Variants in PTPRE observed in about 807,000 individuals in gnomAD.
The protein encoded by PTPRE is protein tyrosine phosphatase receptor type E.
Under a neutral mutation model 102.0 loss-of-function variants are expected in PTPRE, and 51 were observed. That is an observed-to-expected ratio of 0.50 (90% CI 0.40 to 0.63). The LOEUF (loss-of-function observed/expected upper bound fraction) is 0.63, where lower values mean the gene tolerates loss of function less well. PTPRE is among the 30% of genes least tolerant of loss of function. The pLI, the probability that PTPRE is intolerant of heterozygous loss-of-function variation, is 0.00. For missense variants in PTPRE, 752 were observed against 915.1 expected, an observed-to-expected ratio of 0.82 and a Z score of 2.30; for synonymous variants, 345 against 348.2, an observed-to-expected ratio of 0.99 and a Z score of 0.10.
Position 127,976,849 on chromosome 10 carries a change from C to T in PTPRE, c.-30-5425C>T, listed in dbSNP as rs186217862. 6.6e-5 allele frequency among the ~76,000 whole-genome samples: 10 copies of T among 152,254 alleles called. 1 individual carries two copies. The highest frequency in any genetic ancestry group is 4.6e-4 in the Admixed American group (7 of 15,294). On this transcript the variant is annotated intron_variant, in intron 1 of 20. Transcript: ENST00000254667. Reference sequence around the variant, plus strand: ...GGAAGCTGTGAGTATGATATCAGTGCGAATCTGAAGCCTAGATGATTCAGA... The same window carrying T: ...GGAAGCTGTGAGTATGATATCAGTGTGAATCTGAAGCCTAGATGATTCAGA...
intron 2 of PTPRE, among the ~76,000 whole-genome samples, chr10:128,024,896 C>G (rs1846177352): frequency 6.6e-6 from 1 of 152,172 alleles, no homozygotes; most frequent in African/African-American, 2.4e-5. Context: ...TGGCTCACAC[C>G]TATATTTCCA....
At position 128,046,324 on chromosome 10, in the gene PTPRE, G is replaced by A. The variant is rs375663678; in HGVS notation, c.110-1066G>A. Among the ~76,000 whole-genome samples, 541 of 152,308 alleles carry A rather than the reference G, an allele frequency of 3.6e-3. 2 individuals carry two copies. Among genetic ancestry groups the A allele is most frequent in the African/African-American group, 0.013 (521 of 41,566 alleles). On this transcript the variant is annotated intron_variant, in intron 3 of 20. Coordinates refer to ENST00000254667, the MANE Select transcript of PTPRE (RefSeq NM_006504.6). Reference sequence around the variant, plus strand: ...GTGCCCGGAGCACCCTCGGGAGGCCGTGCCAGCCCTCAGGAGGAAGCGCAT... The same window carrying A: ...GTGCCCGGAGCACCCTCGGGAGGCCATGCCAGCCCTCAGGAGGAAGCGCAT...
intron 2 of PTPRE, among the ~76,000 whole-genome samples, chr10:128,039,017 T>G (rs1847454691): frequency 6.6e-6 from 1 of 152,224 alleles, no homozygotes; most frequent in Non-Finnish European, 1.5e-5. Flanking sequence ...ACTGAGCATT[T>G]GGAGAGGAGG....
intron 1 of PTPRE, among the ~76,000 whole-genome samples, chr10:127,953,565 G>A (rs1849193104): frequency 6.6e-6 from 1 of 152,204 alleles, no homozygotes; most frequent in Admixed American, 6.5e-5. Context: ...ATGTGATTGG[G>A]CCAGAAAAGG....
chr10:128,049,682 G>A lies in PTPRE; in HGVS notation c.420+16G>A. 2 of 1,613,518 alleles carry A rather than the reference G, an allele frequency of 1.2e-6. No homozygotes were observed. The highest frequency in any genetic ancestry group is 1.7e-6 in the Non-Finnish European group (2 of 1,179,916). On this transcript the variant is annotated intron_variant, in intron 6 of 20. Coordinates refer to ENST00000254667, the MANE Select transcript of PTPRE (RefSeq NM_006504.6). ...GGAGTTCAACGTGAGTGTGGGGAGG[G>A]CTCTCTGCTGGGTGCCCTGTGGTGG...
intron 10 of PTPRE, among the ~76,000 whole-genome samples, chr10:128,065,863 G>A (rs754413129): frequency 1.3e-5 from 2 of 152,158 alleles, no homozygotes; most frequent in African/African-American, 2.4e-5. Context: ...AAGCCTTGGG[G>A]CATCCTAGTC....
At chr10:128,060,014 CCA>C (rs1849397423) in intron 7 of PTPRE, among the ~76,000 whole-genome samples, 1 of 150,064 alleles carries the variant, frequency 6.7e-6, no homozygotes, top group Admixed American at 6.7e-5. Flanking sequence ...CACACACACA[CCA>C]CACACTCCAC....
intron 2 of PTPRE, chr10:127,987,193 G>A (rs1264323176): frequency 2.5e-6 from 1 of 402,534 alleles, no homozygotes; most frequent in Admixed American, 6.4e-5. Context: ...CAGAGCAAAG[G>A]CATGGGCGTT....
chr10:128,055,447 G>A (rs931119611), intron 6 of PTPRE, among the ~76,000 whole-genome samples: 4 of 152,198 alleles, frequency 2.6e-5, no homozygotes, highest in African/African-American at 4.8e-5. Context: ...GTTGGTTAGC[G>A]TGGTGCTTCC....
intron 7 of PTPRE, among the ~76,000 whole-genome samples, chr10:128,059,780 G>A (rs1334091724): frequency 1.3e-5 from 2 of 152,134 alleles, no homozygotes; most frequent in Non-Finnish European, 1.5e-5. Context: ...AACAAAACGT[G>A]CAAAACCCAT....
chr10:127,953,250 G>A (rs61873691), intron 1 of PTPRE, among the ~76,000 whole-genome samples: 5,503 of 152,318 alleles, frequency 0.036, 141 homozygotes, highest in Middle Eastern at 0.082. Flanking sequence ...TGGTGCTTGC[G>A]GTGTCAGTGG....
At chr10:127,957,389 A>T (rs902010378) in intron 1 of PTPRE, among the ~76,000 whole-genome samples, 12 of 152,108 alleles carry the variant, frequency 7.9e-5, no homozygotes, top group Non-Finnish European at 1.8e-4. Flanking sequence ...GACCATATTT[A>T]TGTGGGTCTA....
intron 7 of PTPRE, among the ~76,000 whole-genome samples, chr10:128,057,230 A>G (rs1590168384): frequency 6.7e-6 from 1 of 150,198 alleles, no homozygotes; most frequent in East Asian, 2.0e-4. Context: ...AAAAAAAAAA[A>G]GATCTGGCCC....
At position 127,941,641 on chromosome 10, in the gene PTPRE, G is replaced by A. The variant is rs1217377087; in HGVS notation, c.-31+34332G>A. Among the ~76,000 whole-genome samples the A allele has an allele frequency of 3.9e-5, 6 of 152,202 alleles. No homozygotes were observed. The East Asian group carries it at 5.8e-4, about 15-fold the overall frequency. On this transcript the variant is annotated intron_variant, in intron 1 of 20. Transcript: ENST00000254667. ...GCTAAATAGGAGCCATTTCCTAGCC[G>A]CACTTGGTTTCTGGACAGCCAGTTT...
chr10:128,019,898 A>G (rs2135679983), intron 2 of PTPRE, among the ~76,000 whole-genome samples: 1 of 152,340 alleles, frequency 6.6e-6, no homozygotes, highest in East Asian at 1.9e-4. Context: ...GGCTTTGCCC[A>G]AGCCCAGAGC....
intron 8 of PTPRE, 82 bp from the exon 9 acceptor site, chr10:128,061,597 T>G: frequency 6.7e-7 from 1 of 1,500,232 alleles, no homozygotes; most frequent in South Asian, 1.3e-5. Context: ...GAATATGTAC[T>G]GCTTTCCTAA....
intron 2 of PTPRE, among the ~76,000 whole-genome samples, chr10:128,002,423 G>A (rs1305890137): frequency 6.6e-6 from 1 of 152,074 alleles, no homozygotes; most frequent in African/African-American, 2.4e-5. Flanking sequence ...GTCAGTAGTG[G>A]GGAGCACCCT....
In PTPRE at chr10:128,047,841, C is replaced by T. The variant is rs1293939387; in HGVS notation, c.283+4C>T. 1 of 1,583,920 alleles carries T rather than the reference C, an allele frequency of 6.3e-7. No individual in the cohort carries two copies. Among genetic ancestry groups the T allele is most frequent in the South Asian group, 1.1e-5 (1 of 88,774 alleles). On this transcript the variant is annotated splice_donor_region_variant and intron_variant, in intron 5 of 20. Coordinates refer to ENST00000254667, the MANE Select transcript of PTPRE (RefSeq NM_006504.6). Reference sequence around the variant, plus strand: ...AACGGAATCTTGGAGGAGCAAGGTACAGAAGCTGCTCTCTGGCTGGGGCTT... The same window carrying T: ...AACGGAATCTTGGAGGAGCAAGGTATAGAAGCTGCTCTCTGGCTGGGGCTT...
intron 2 of PTPRE, among the ~76,000 whole-genome samples, chr10:128,025,431 T>C (rs1487586014): frequency 2.0e-5 from 3 of 152,054 alleles, no homozygotes; most frequent in Non-Finnish European, 4.4e-5. Context: ...AGAGGTGAGG[T>C]CAGGACGTGG....
Sources: gnomAD v4.1 joint callset for allele counts (sites outside exome capture counted in the v4.1 genomes callset) on GRCh38, gnomAD v4.1.1 for gene constraint, MANE v1.5 for transcripts, NCBI Gene and HGNC (gene_info 2026-07-23, HGNC 2026-07-21) for gene names.